CCDC57: variants seen among roughly 807,000 people sequenced by gnomAD.
The protein encoded by CCDC57 is coiled-coil domain-containing protein 57.
In CCDC57, 118 loss-of-function variants were observed where a neutral mutation model predicts 118.9. The observed-to-expected ratio is 0.99, with a 90% CI of 0.86 to 1.16. The LOEUF (loss-of-function observed/expected upper bound fraction) is 1.16. Ranked by LOEUF, CCDC57 falls within the 50% of genes most tolerant of loss-of-function variation. CCDC57 has a pLI of 0.00. For synonymous variants in CCDC57, 527 were observed against 532.9 expected (o/e 0.99, Z 0.15); for missense variants, 1,300 against 1,320.7 (o/e 0.98, Z 0.24).
chr17:82,159,548 G>A (rs2043067286), intron 14 of CCDC57, among the ~76,000 whole-genome samples: 1 of 152,204 alleles, frequency 6.6e-6, no homozygotes. Context: ...TTAGGCATCA[G>A]CAGAAAATGA....
intron 17 of CCDC57, among the ~76,000 whole-genome samples, chr17:82,132,754 C>G (rs1479487512): frequency 8.2e-6 from 1 of 122,300 alleles, no homozygotes; most frequent in Admixed American, 1.0e-4. Flanking sequence ...GTAGAGACAA[C>G]CTTGCTTTTT....
intron 9 of CCDC57, among the ~76,000 whole-genome samples, chr17:82,182,111 C>G (rs2046280403): frequency 6.6e-6 from 1 of 151,556 alleles, no homozygotes; most frequent in Non-Finnish European, 1.5e-5. Flanking sequence ...GAGTGAGACT[C>G]CATCTCAAAA....
At chr17:82,130,311 A>G (rs2038135652) in intron 17 of CCDC57, among the ~76,000 whole-genome samples, 1 of 151,648 alleles carries the variant, frequency 6.6e-6, no homozygotes, top group African/African-American at 2.4e-5. Flanking sequence ...CTCCTGCCTC[A>G]GCCTTCCGAG....
chr17:82,178,724 G>T, intron 10 of CCDC57, 119 bp from the exon 10 acceptor site: 2 of 1,410,038 alleles, frequency 1.4e-6, no homozygotes, highest in South Asian at 1.4e-5. Context: ...CCCCACTGTG[G>T]CCAGGCCGCC....
chr17:82,101,668 G>GT lies in CCDC57; in HGVS notation c.*13dup, dbSNP rs2034461547. The GT allele has an allele frequency of 5.7e-6, 9 of 1,589,696 alleles. No individual in the cohort carries two copies. The East Asian group carries it at 2.0e-4, about 36-fold the overall frequency. ...CCCGAGCACCCCTTAGTGGGGCGGG[G>GT]TGGGGGGAGGAAGTCAGTCCATAAT... is the stretch of plus-strand genomic sequence containing the variant. On this transcript the variant is annotated 3_prime_UTR_variant, in exon 20 of 20. Coordinates refer to ENST00000665763, the Ensembl canonical transcript of CCDC57.
At chr17:82,137,254 C>A (rs751401051) in intron 16 of CCDC57, among the ~76,000 whole-genome samples, 1 of 152,108 alleles carries the variant, frequency 6.6e-6, no homozygotes, top group Non-Finnish European at 1.5e-5. Flanking sequence ...CTGCAAGCAT[C>A]CTATGATCCG....
At chr17:82,134,220 T>C in intron 16 of CCDC57, 26 bp from the exon 16 acceptor site, 1 of 1,292,848 alleles carries the variant, frequency 7.7e-7, no homozygotes, top group Non-Finnish European at 9.9e-7. Context: ...GGACAGAGTT[T>C]GTTCTCTGTG....
chr17:82,164,223 A>G (rs75844831), intron 13 of CCDC57, among the ~76,000 whole-genome samples: 2 of 151,960 alleles, frequency 1.3e-5, no homozygotes, highest in African/African-American at 2.4e-5. Flanking sequence ...TAAAAAAAAA[A>G]TACAAAAATT....
chr17:82,196,839 G>A (rs1391592638), intron 4 of CCDC57, among the ~76,000 whole-genome samples: 1 of 150,198 alleles, frequency 6.7e-6, no homozygotes, highest in African/African-American at 2.5e-5. Flanking sequence ...CACCTGCAGA[G>A]ACGCAGCCCC....
At chr17:82,127,055 C>T (rs1377011431) in intron 19 of CCDC57, 1 of 985,308 alleles carries the variant, frequency 1.0e-6, no homozygotes. Context: ...CAAGGTGCAC[C>T]CTTCAAACAG....
At chr17:82,105,778 C>T (rs2144872908) in intron 19 of CCDC57, among the ~76,000 whole-genome samples, 1 of 152,348 alleles carries the variant, frequency 6.6e-6, no homozygotes, top group Admixed American at 6.5e-5. Context: ...CTGCTATGTC[C>T]AGCTGCCTTC....
At chr17:82,168,381 G>A (rs1376357763) in intron 13 of CCDC57, among the ~76,000 whole-genome samples, 1 of 152,172 alleles carries the variant, frequency 6.6e-6, no homozygotes, top group Non-Finnish European at 1.5e-5. Flanking sequence ...GATCACCTGA[G>A]GCCAGAAGTT....
intron 16 of CCDC57, among the ~76,000 whole-genome samples, chr17:82,137,698 G>A (rs1164009107): frequency 6.9e-6 from 1 of 144,098 alleles, no homozygotes; most frequent in Non-Finnish European, 1.5e-5. Context: ...TTTTTGAGAT[G>A]GAGTCTCGCT....
intron 16 of CCDC57, among the ~76,000 whole-genome samples, chr17:82,150,280 C>T (rs1440322800): frequency 2.1e-5 from 3 of 144,170 alleles, no homozygotes; most frequent in African/African-American, 5.2e-5. Context: ...CAGAACCAGG[C>T]GCACACCCAG....
intron 16 of CCDC57, among the ~76,000 whole-genome samples, chr17:82,149,692 T>C (rs1457132213): frequency 6.6e-6 from 1 of 151,932 alleles, no homozygotes; most frequent in Non-Finnish European, 1.5e-5. Context: ...CTGAGAAGGC[T>C]GCGTCCAGAG....
At chr17:82,107,143 C>T (rs1250114183) in intron 19 of CCDC57, among the ~76,000 whole-genome samples, 1 of 152,246 alleles carries the variant, frequency 6.6e-6, no homozygotes, top group Non-Finnish European at 1.5e-5. Context: ...CTGCTCAGGA[C>T]ACTGAGGGCC....
At chr17:82,109,754 G>A (rs1019592435) in intron 19 of CCDC57, among the ~76,000 whole-genome samples, 14 of 151,976 alleles carry the variant, frequency 9.2e-5, no homozygotes, top group African/African-American at 3.4e-4. Context: ...TTACTCGGGA[G>A]GCTGAGGCAG....
At chr17:82,116,102 CTTTT>C (rs34960755) in intron 19 of CCDC57, among the ~76,000 whole-genome samples, 1 of 127,824 alleles carries the variant, frequency 7.8e-6, no homozygotes, top group Non-Finnish European at 1.6e-5. Flanking sequence ...CGGCCACAAC[CTTTT>C]TTTTTTTTTT....
intron 3 of CCDC57, among the ~76,000 whole-genome samples, chr17:82,201,176 T>C (rs1657520419): frequency 6.6e-6 from 1 of 152,268 alleles, no homozygotes; most frequent in Non-Finnish European, 1.5e-5. Flanking sequence ...CATTTAGTTT[T>C]GAAATTACTA....
Sources: gnomAD v4.1 joint callset for allele counts (sites outside exome capture counted in the v4.1 genomes callset) on GRCh38, gnomAD v4.1.1 for gene constraint, MANE v1.5 for transcripts, NCBI Gene and HGNC (gene_info 2026-07-23, HGNC 2026-07-21) for gene names.